Variants in DMGDH observed in about 807,000 individuals in gnomAD.
DMGDH encodes dimethylglycine dehydrogenase, mitochondrial.
A neutral mutation model predicts 95.2 loss-of-function variants in DMGDH; 76 were observed. That is an observed-to-expected ratio of 0.80 (90% confidence interval 0.66 to 0.97). The LOEUF (loss-of-function observed/expected upper bound fraction) is 0.97. Among genes scored for constraint, DMGDH ranks in the 50% least tolerant of loss-of-function variants. The probability of loss-of-function intolerance (pLI) is 0.00; values close to 1 mark genes in which losing one functional copy is unlikely to be tolerated. For synonymous variants in DMGDH, 345 were observed against 377.6 expected (o/e 0.91, Z 1.00); for missense variants, 987 against 1,055.0 (o/e 0.94, Z 0.89).
intron 5 of DMGDH, among the ~76,000 whole-genome samples, chr5:79,050,901 T>C (rs1037962907): frequency 3.9e-5 from 6 of 152,178 alleles, no homozygotes; most frequent in Admixed American, 3.9e-4. Flanking sequence ...AGAACCCAAA[T>C]GATCAAATCT....
chr5:79,022,502 G>A (rs1007103768), intron 14 of DMGDH, among the ~76,000 whole-genome samples: 1 of 152,178 alleles, frequency 6.6e-6, no homozygotes, highest in African/African-American at 2.4e-5. Context: ...GAAAAAGACT[G>A]GCTCAGTTGG....
chr5:79,021,843 A>G (rs1467000287), intron 14 of DMGDH, among the ~76,000 whole-genome samples: 1 of 152,150 alleles, frequency 6.6e-6, no homozygotes, highest in Non-Finnish European at 1.5e-5. Context: ...TGTGGGGGAA[A>G]GTGGTGGGTG....
At chr5:79,005,794 C>T (rs1424316243) in intron 14 of DMGDH, among the ~76,000 whole-genome samples, 1 of 152,122 alleles carries the variant, frequency 6.6e-6, no homozygotes, top group Non-Finnish European at 1.5e-5. Context: ...AAGTCTTTTA[C>T]CTGAAGAAAA....
chr5:79,042,317 C>A lies in DMGDH; in HGVS notation c.1159G>T (p.Gly387Trp). The A allele has an allele frequency of 6.2e-7, 1 of 1,614,166 alleles. No homozygotes were observed. Among genetic ancestry groups the A allele is most frequent in the Non-Finnish European group, 8.5e-7 (1 of 1,180,016 alleles). ...ATAGCCACCCAGTAGTTTCTGACCCCCTGATGGGGCCCCACCATAGGCAGA... is the reference window on the plus strand; with the variant it reads ...ATAGCCACCCAGTAGTTTCTGACCCACTGATGGGGCCCCACCATAGGCAGA... ...DILPMVGPHQ[G>W]VRNYWVAIGF... The change falls in exon 7 of 16, where the codon GGG becomes TGG. Residue 387 changes from glycine to tryptophan, a missense_variant. Physicochemically the swap from Gly to Trp is radical, Grantham distance 184. Transcript: ENST00000255189.
intron 14 of DMGDH, among the ~76,000 whole-genome samples, chr5:79,009,169 T>C (rs1381048122): frequency 6.6e-6 from 1 of 152,160 alleles, no homozygotes; most frequent in African/African-American, 2.4e-5. Context: ...TGTAAAAGTA[T>C]CTGAAAACAT....
intron 5 of DMGDH, among the ~76,000 whole-genome samples, chr5:79,050,273 A>AAAAAAAAAATAT (rs1554037270): frequency 4.8e-5 from 1 of 20,936 alleles, no homozygotes; most frequent in African/African-American, 1.6e-4. Flanking sequence ...AAAAAAAAAA[A>AAAAAAAAAATAT]ATATATATAT....
In DMGDH at chr5:79,063,697, C is replaced by T. The variant is rs996821222; in HGVS notation, c.192G>A (p.Leu64=). The stretch of plus-strand genomic sequence containing the variant: ...TCCCTGCTTTGGCCAGGTGATAAGC[C>T]AGACTCACACCAACACAGCCACCTC... ...IIGGGCVGVS[L]AYHLAKAGMK... The change falls in exon 2 of 16, where the codon CTG becomes CTA. Residue 64 remains leucine, a synonymous_variant. Transcript: ENST00000255189. 1 of 1,614,210 alleles carries T rather than the reference C, an allele frequency of 6.2e-7. No individual in the cohort carries two copies. The highest frequency in any genetic ancestry group is 8.5e-7 in the Non-Finnish European group (1 of 1,180,042).
Position 79,030,616 on chromosome 5 carries a change from A to G in DMGDH, c.1683+217T>C, listed in dbSNP as rs190218507. ...AGCCGAGATCACACCACTGCACTCC[A>G]GCCTGGGTGACAAAGCAAGACTCTG... On this transcript the variant is annotated intron_variant, in intron 10 of 15. Coordinates refer to ENST00000255189, the MANE Select transcript of DMGDH (RefSeq NM_013391.3). The G allele has an allele frequency of 1.2e-3, 595 of 489,414 alleles. 6 individuals are homozygous for G. Among genetic ancestry groups the G allele is most frequent in the Middle Eastern group, 6.4e-3 (11 of 1,706 alleles). 30.3% of individuals were successfully genotyped at this position (489,414 alleles called of 1,614,324 possible). A position where few individuals can be genotyped will look rare whatever the true frequency, so the allele number is the denominator to read the frequency against.
At chr5:79,032,151 C>A (rs1297733547) in intron 9 of DMGDH, among the ~76,000 whole-genome samples, 1 of 152,222 alleles carries the variant, frequency 6.6e-6, no homozygotes. Context: ...TACCCAAATT[C>A]AGAGAACTGT....
At chr5:79,050,267 A>T (rs1323587477) in intron 5 of DMGDH, among the ~76,000 whole-genome samples, 109 of 46,808 alleles carry the variant, frequency 2.3e-3, no homozygotes, top group African/African-American at 9.8e-3. Flanking sequence ...AAAAAAAAAA[A>T]AAAAAAATAT....
At chr5:78,998,379 A>C in intron 15 of DMGDH, 82 bp from the exon 16 acceptor site, 2 of 1,336,134 alleles carry the variant, frequency 1.5e-6, no homozygotes, top group Non-Finnish European at 2.1e-6. Flanking sequence ...AAACTAAAAT[A>C]CAGATTCAAC....
intron 10 of DMGDH, among the ~76,000 whole-genome samples, chr5:79,030,240 A>T (rs1754118756): frequency 6.6e-6 from 1 of 152,242 alleles, no homozygotes; most frequent in Non-Finnish European, 1.5e-5. Context: ...ACTATTTGCC[A>T]TTAAAAAGCT....
intron 7 of DMGDH, 117 bp downstream of exon 7, chr5:79,042,164 TTC>T: frequency 2.1e-6 from 2 of 972,698 alleles, no homozygotes; most frequent in East Asian, 5.2e-5. Flanking sequence ...CTCTCTCTGT[TTC>T]TCTTTCTCTC....
intron 1 of DMGDH, among the ~76,000 whole-genome samples, chr5:79,068,794 A>C (rs1755455373): frequency 6.6e-6 from 1 of 152,230 alleles, no homozygotes; most frequent in African/African-American, 2.4e-5. Flanking sequence ...AGGACATGCC[A>C]TTTTTACCTA....
chr5:79,059,733 T>C (rs1395726957), intron 2 of DMGDH, among the ~76,000 whole-genome samples: 1 of 152,210 alleles, frequency 6.6e-6, no homozygotes, highest in Non-Finnish European at 1.5e-5. Context: ...AAGGCAATTA[T>C]TTCTCACCTA....
intron 2 of DMGDH, among the ~76,000 whole-genome samples, chr5:79,063,129 T>C (rs1580233651): frequency 6.6e-6 from 1 of 151,842 alleles, no homozygotes; most frequent in Non-Finnish European, 1.5e-5. Flanking sequence ...AATAAAACCA[T>C]AAGTAAATAA....
At position 79,054,290 on chromosome 5, in the gene DMGDH, T is replaced by A; in HGVS notation, c.434A>T (p.Asp145Val). 6.2e-7 allele frequency: 1 copy of A among 1,614,162 alleles called. No individual in the cohort carries two copies. The highest frequency in any genetic ancestry group is 8.5e-7 in the Non-Finnish European group (1 of 1,180,010). ...CCGAGTCATTTGATATTTAAATTCATCTACCCTTACAGGGGTGGTAGCAAG... is the reference window on the plus strand; with the variant it reads ...CCGAGTCATTTGATATTTAAATTCAACTACCCTTACAGGGGTGGTAGCAAG... ...IRLATTPVRV[D>V]EFKYQMTRTG... is the part of the protein sequence containing the mutation. The change falls in exon 4 of 16, where the codon GAT becomes GTT. Residue 145 changes from aspartate (D) to valine (V), a missense_variant. Physicochemically the swap from Asp to Val is radical, Grantham distance 152 (BLOSUM62 -3). Transcript: ENST00000255189.
chr5:79,020,215 T>C (rs1193560304), intron 14 of DMGDH, among the ~76,000 whole-genome samples: 2 of 152,202 alleles, frequency 1.3e-5, no homozygotes, highest in Non-Finnish European at 1.5e-5. Context: ...TACAAGAGCT[T>C]CTTTTTAAAT....
intron 14 of DMGDH, among the ~76,000 whole-genome samples, chr5:79,013,994 C>T (rs1407698321): frequency 2.0e-5 from 3 of 152,200 alleles, no homozygotes; most frequent in African/African-American, 7.2e-5. Flanking sequence ...AATCATATCA[C>T]TCCCACACAC....
Sources: allele counts gnomAD v4.1 joint callset (sites outside exome capture counted in the v4.1 genomes callset), GRCh38; gene constraint gnomAD v4.1.1; transcripts MANE v1.5; gene names NCBI Gene and HGNC (gene_info 2026-07-23, HGNC 2026-07-21).